Variants in WNT9A observed in about 807,000 individuals in gnomAD.
WNT9A encodes the protein Wnt family member 9A.
In WNT9A, 8 loss-of-function variants were observed where a neutral mutation model predicts 31.4. The ratio of observed to expected loss-of-function variants is 0.26; its 90% CI spans 0.15 to 0.46. The LOEUF (loss-of-function observed/expected upper bound fraction) is 0.46, where lower values mean the gene tolerates loss of function less well. WNT9A is among the 20% of genes least tolerant of loss of function. WNT9A has a pLI of 0.99. For missense variants in WNT9A, 457 were observed against 522.9 expected (o/e 0.87, Z 1.23); for synonymous variants, 236 against 220.1 (o/e 1.07, Z -0.64).
rs561442393 is a variant in WNT9A, at chr1:227,934,110, T to C, written c.96-8591A>G. On this transcript the variant is annotated intron_variant, in intron 1 of 3. Coordinates refer to ENST00000272164, the MANE Select transcript of WNT9A (RefSeq NM_003395.4). ...TTCATGTGCTGAGAGGCACCTGGGT[T>C]GTTCCATTTTCCAGCTTTCATACCT... Among the ~76,000 whole-genome samples, 4 of 152,340 alleles carry C rather than the reference T, an allele frequency of 2.6e-5. No individual in the cohort carries two copies. In the South Asian group the frequency reaches 8.3e-4, roughly 32 times the overall value.
At chr1:227,930,991 C>T (rs191894350) in intron 1 of WNT9A, among the ~76,000 whole-genome samples, 2 of 135,738 alleles carry the variant, frequency 1.5e-5, no homozygotes, top group Non-Finnish European at 3.2e-5. Context: ...AAGGGTGAGA[C>T]TCCGTCTCAA....
intron 1 of WNT9A, among the ~76,000 whole-genome samples, chr1:227,943,713 C>G (rs191338376): frequency 1.3e-5 from 2 of 152,218 alleles, no homozygotes; most frequent in South Asian, 2.1e-4. Context: ...CAAGGGCTCA[C>G]GCCTGTAACC....
In WNT9A at chr1:227,924,399, G is replaced by A. The variant is rs1666381956; in HGVS notation, c.354C>T (p.Gly118=). The change falls in exon 3 of 4, where the codon GGC becomes GGT. Residue 118 remains glycine (G), a splice_region_variant and synonymous_variant. Transcript: ENST00000272164. ...CATAGAGGAAGGCAGTCTCCTTGAA[G>A]CCTGGGGTTGGCAAGGGCCGATCAG... The part of the protein sequence containing the change: ...GRYRASLLKR[G]FKETAFLYAI... 1.2e-6 allele frequency: 2 copies of A among 1,608,414 alleles called. No individual in the cohort carries two copies. The highest frequency in any genetic ancestry group is 3.3e-4 in the Middle Eastern group (2 of 6,040).
In WNT9A at chr1:227,921,799, G is replaced by A. The variant is rs563733645; in HGVS notation, c.817C>T (p.Arg273Cys). ...TCGCTGCCACCTGCCCCCGAGGCAC[G>A]GCCCCGTGGTGGGGAGATGGCACCT... ...EAGAISPPRG[R>C]ASGAGGSDPL... is the part of the protein sequence containing the mutation. Residue 273 changes from arginine (R) to cysteine (C), a missense_variant, in exon 4 of 4, where the codon CGT becomes TGT. Physicochemically the swap from Arg to Cys is radical, Grantham distance 180 (BLOSUM62 -3). Transcript: ENST00000272164. The A allele has an allele frequency of 6.8e-6, 11 of 1,612,618 alleles. No homozygotes were observed. The highest frequency in any genetic ancestry group is 1.7e-4 in the Middle Eastern group (1 of 6,060).
At chr1:227,930,238 C>T (rs1231305895) in intron 1 of WNT9A, among the ~76,000 whole-genome samples, 4 of 152,142 alleles carry the variant, frequency 2.6e-5, no homozygotes, top group South Asian at 2.1e-4. Context: ...GAATCCATGC[C>T]GAGTCGCGCC....
At position 227,926,845 on chromosome 1, in the gene WNT9A, C is replaced by T. The variant is rs1371559785; in HGVS notation, c.96-1326G>A. On this transcript the variant is annotated intron_variant, in intron 1 of 3. Coordinates refer to ENST00000272164, the MANE Select transcript of WNT9A (RefSeq NM_003395.4). This position sits in a 1 kb window ranked among gnomAD's most constrained non-coding sequence, Gnocchi z 5.0. The stretch of plus-strand genomic sequence containing the variant: ...ACCCACCCCGAGGGAGTAGCTCCTG[C>T]CCAACGGTATGGAGGGGAGGGGCCC... Among the ~76,000 whole-genome samples the T allele has an allele frequency of 6.6e-6, 1 of 152,042 alleles. No individual in the cohort carries two copies. The highest frequency in any genetic ancestry group is 1.5e-5 in the Non-Finnish European group (1 of 67,978).
intron 3 of WNT9A, among the ~76,000 whole-genome samples, chr1:227,922,771 A>C (rs1447850140): frequency 6.6e-6 from 1 of 152,166 alleles, no homozygotes; most frequent in Non-Finnish European, 1.5e-5. Flanking sequence ...CCCCACCTGC[A>C]AAGACAGGCC....
chr1:227,921,421 T>C lies in WNT9A; in HGVS notation c.*97A>G. ...ATGCCTGTACCCCACGCAGCTGGGC[T>C]GGTCGAGCCCAGGAACTCAGCCTGT... is the stretch of plus-strand genomic sequence containing the variant. On this transcript the variant is annotated 3_prime_UTR_variant, in exon 4 of 4. Transcript: ENST00000272164. The C allele has an allele frequency of 1.3e-6, 2 of 1,521,968 alleles. No individual in the cohort carries two copies. The highest frequency in any genetic ancestry group is 2.6e-5 in the South Asian group (2 of 77,204). The allele number at this position is 1,521,968 out of a possible 1,614,324, so 94.3% of individuals were successfully genotyped here.
chr1:227,924,104 T>G, intron 3 of WNT9A, 34 bp downstream of exon 3: 9 of 500,862 alleles, frequency 1.8e-5, no homozygotes, highest in African/African-American at 4.7e-5. Flanking sequence ...TTTCTGACCC[T>G]CCCTTCCCAC....
At position 227,943,705 on chromosome 1, in the gene WNT9A, A is replaced by G. The variant is rs186529387; in HGVS notation, c.95+4088T>C. 4.3e-3 allele frequency among the ~76,000 whole-genome samples: 651 copies of G among 152,334 alleles called. 12 individuals carry two copies. The highest frequency in any genetic ancestry group is 0.029 in the East Asian group (152 of 5,188). On this transcript the variant is annotated intron_variant, in intron 1 of 3. Coordinates refer to ENST00000272164, the MANE Select transcript of WNT9A (RefSeq NM_003395.4). ...AAAACCTAAATGCAGGCGGGGAGCA[A>G]GGGCTCACGCCTGTAACCCCAGCAC...
chr1:227,944,052 AAC>A (rs370056421), intron 1 of WNT9A, among the ~76,000 whole-genome samples: 3 of 151,746 alleles, frequency 2.0e-5, no homozygotes, highest in African/African-American at 4.8e-5. Context: ...AAGAACTGAA[AAC>A]ACACACACAC....
At chr1:227,936,178 G>GTTTTTC (rs952450619) in intron 1 of WNT9A, among the ~76,000 whole-genome samples, 1 of 151,758 alleles carries the variant, frequency 6.6e-6, no homozygotes, top group South Asian at 2.1e-4. Flanking sequence ...ATCTTGTGCA[G>GTTTTTC]TTTTTCTTTT....
Position 227,919,977 on chromosome 1 carries a change from C to T in WNT9A, c.*1541G>A, listed in dbSNP as rs1666281863. On this transcript the variant is annotated 3_prime_UTR_variant, in exon 4 of 4. Transcript: ENST00000272164. The stretch of plus-strand genomic sequence containing the variant: ...TGGCCAGATGCGAGCCCAAGACTGC[C>T]TCCACCGGCATCTGTCCCAATCTGT... 1 of 152,424 alleles carries T rather than the reference C, an allele frequency of 6.6e-6. No individual in the cohort carries two copies. Among genetic ancestry groups the T allele is most frequent in the Non-Finnish European group, 1.5e-5 (1 of 68,182 alleles). The allele number at this position is 152,424 out of a possible 1,614,324, so 9.4% of individuals were successfully genotyped here.
intron 1 of WNT9A, among the ~76,000 whole-genome samples, chr1:227,937,564 A>T (rs1450389699): frequency 6.6e-6 from 1 of 152,370 alleles, no homozygotes; most frequent in African/African-American, 2.4e-5. Context: ...GGCTGTCCTT[A>T]TAAGAAAAAG....
At chr1:227,927,784 C>T (rs888729134) in intron 1 of WNT9A, among the ~76,000 whole-genome samples, 21 of 152,284 alleles carry the variant, frequency 1.4e-4, no homozygotes, top group Admixed American at 4.6e-4. Context: ...GACCCACGAG[C>T]CCCAAGCCAC....
rs113951980 is a variant in WNT9A at position 227,919,203 on chromosome 1, T to C, written c.*2315A>G. On this transcript the variant is annotated 3_prime_UTR_variant, in exon 4 of 4. Coordinates refer to ENST00000272164, the MANE Select transcript of WNT9A (RefSeq NM_003395.4). ...CCCAATAGTGACTGAGTGACAGTCT[T>C]GTCATGTCATGAGGGTGTGGCCAGC... 6.6e-6 allele frequency: 1 copy of C among 152,202 alleles called. No homozygotes were observed. The highest frequency in any genetic ancestry group is 1.5e-5 in the Non-Finnish European group (1 of 68,048). The allele number at this position is 152,202 out of a possible 1,614,324, so 9.4% of individuals were successfully genotyped here.
chr1:227,923,376 G>C (rs1019852477), intron 3 of WNT9A, among the ~76,000 whole-genome samples: 1 of 152,148 alleles, frequency 6.6e-6, no homozygotes, highest in Non-Finnish European at 1.5e-5. Context: ...AGGAACTGCA[G>C]AGATGCTGGG....
In WNT9A at chr1:227,920,294, T is replaced by C. The variant is rs1196749249; in HGVS notation, c.*1224A>G. 1 of 152,066 alleles carries C rather than the reference T, an allele frequency of 6.6e-6. No individual in the cohort carries two copies. Among genetic ancestry groups the C allele is most frequent in the East Asian group, 1.9e-4 (1 of 5,168 alleles). 9.4% of individuals were successfully genotyped at this position (152,066 alleles called of 1,614,324 possible). On this transcript the variant is annotated 3_prime_UTR_variant, in exon 4 of 4. Coordinates refer to ENST00000272164, the MANE Select transcript of WNT9A (RefSeq NM_003395.4). The stretch of plus-strand genomic sequence containing the variant: ...ATTTCCTTAACTACACACATCTATC[T>C]CGATTTAGTGGTTTCAAACAACTAA...
At chr1:227,935,678 C>T (rs1325729105) in intron 1 of WNT9A, among the ~76,000 whole-genome samples, 1 of 152,264 alleles carries the variant, frequency 6.6e-6, no homozygotes, top group Non-Finnish European at 1.5e-5. Context: ...CCTCTTGTCT[C>T]ATCCTTTCTG....
Sources: gnomAD v4.1 joint callset for allele counts (sites outside exome capture counted in the v4.1 genomes callset) on GRCh38, gnomAD v4.1.1 for gene constraint, Gnocchi (gnomAD v3.1) non-coding constraint, MANE v1.5 for transcripts, NCBI Gene and HGNC (gene_info 2026-07-23, HGNC 2026-07-21) for gene names.